The following RALGAPA1 variants were observed in gnomAD, a reference collection of about 807,000 sequenced individuals.
The protein encoded by RALGAPA1 is Ral GTPase activating protein catalytic subunit alpha 1, also known as ral GTPase-activating protein subunit alpha-1.
Under a neutral mutation model 269.6 loss-of-function variants are expected in RALGAPA1, and 52 were observed. That is an observed-to-expected ratio of 0.19 (90% CI 0.15 to 0.24). The LOEUF is 0.24. Ranked by LOEUF, RALGAPA1 falls within the 10% of genes least tolerant of loss-of-function variation. RALGAPA1 has a pLI of 1.00. For synonymous variants in RALGAPA1, 817 were observed against 1,008.3 expected (o/e 0.81, Z 3.60); for missense variants, 1,917 against 3,013.9 (o/e 0.64, Z 8.52).
At chr14:35,628,470 CAAAACAAAATAAAACAAAAAACA>C (rs1355658299) in intron 33 of RALGAPA1, among the ~76,000 whole-genome samples, 2 of 152,096 alleles carry the variant, frequency 1.3e-5, no homozygotes, top group Non-Finnish European at 2.9e-5. Context: ...CCCACAACAA[CAAAACAAAATAAAACAAAAAACA>C]AAAACAAAAA....
In RALGAPA1 at chr14:35,671,469, G is replaced by C; in HGVS notation, c.5122C>G (p.Leu1708Val). Residue 1708 changes from leucine (L) to valine (V), a missense_variant, in exon 26 of 42, where the codon CTT becomes GTT. Around this residue, in one of 11 missense-constraint regions of RALGAPA1, gnomAD observed 346 missense variants for 566.1 expected, o/e 0.61. Transcript: ENST00000680220. The stretch of plus-strand genomic sequence containing the variant: ...AGCATTGTGGCACCAGGCAAACCAA[G>C]TGAAAAAAATTGAGGTGAGCAGTGT... ...IKHCSPQFFSLGLPGATMLIM... is the reference protein window; with the variant it reads ...IKHCSPQFFSVGLPGATMLIM... 6.2e-7 allele frequency: 1 copy of C among 1,604,372 alleles called. No individual in the cohort carries two copies. Among genetic ancestry groups the C allele is most frequent in the Non-Finnish European group, 8.5e-7 (1 of 1,171,824 alleles).
chr14:35,595,890 G>C (rs1200415373), intron 36 of RALGAPA1, 101 bp from the exon 37 acceptor site: 1 of 866,630 alleles, frequency 1.2e-6, no homozygotes, highest in East Asian at 2.7e-5. Flanking sequence ...TGGGAACAAA[G>C]TCTTTTGCAT....
intron 35 of RALGAPA1, among the ~76,000 whole-genome samples, chr14:35,616,306 G>A (rs1380718204): frequency 6.6e-6 from 1 of 152,136 alleles, no homozygotes; most frequent in African/African-American, 2.4e-5. Flanking sequence ...AACAGAAAAT[G>A]AACCAGTGAA....
rs144973200 is a variant in RALGAPA1, at chr14:35,748,452, G to A, written c.1251+133C>T. ...TGGCCTCAAACTCCTGGGCTCAAGC[G>A]ATTCTCCCACCTCAGCCTCCTGAAC... On this transcript the variant is annotated intron_variant, in intron 10 of 41. Transcript: ENST00000680220. The A allele has an allele frequency of 1.9e-4, 211 of 1,104,974 alleles. 2 individuals are homozygous for A. In the Middle Eastern group the frequency reaches 2.9e-3, roughly 15 times the overall value. The allele number at this position is 1,104,974 out of a possible 1,614,324, so 68.4% of individuals were successfully genotyped here.
intron 1 of RALGAPA1, among the ~76,000 whole-genome samples, chr14:35,781,273 A>G (rs1274231671): frequency 6.6e-6 from 1 of 152,190 alleles, no homozygotes. Context: ...TGAACAAATT[A>G]CTAGAAAGTC....
chr14:35,792,618 A>T (rs2076254574), intron 1 of RALGAPA1, among the ~76,000 whole-genome samples: 1 of 151,860 alleles, frequency 6.6e-6, no homozygotes, highest in African/African-American at 2.4e-5. Context: ...CCCCATCTCT[A>T]TTAAAAATAC....
intron 1 of RALGAPA1, among the ~76,000 whole-genome samples, chr14:35,789,752 G>C (rs2141754330): frequency 6.6e-6 from 1 of 152,296 alleles, no homozygotes; most frequent in African/African-American, 2.4e-5. Flanking sequence ...GAAGAAAAGA[G>C]ATCTGGAGGA....
intron 41 of RALGAPA1, among the ~76,000 whole-genome samples, chr14:35,544,082 G>C (rs1489696764): frequency 6.6e-6 from 1 of 152,084 alleles, no homozygotes; most frequent in Non-Finnish European, 1.5e-5. Context: ...TCCTTACAAA[G>C]GAAAAAATTG....
At chr14:35,682,305 G>GTT (rs943991657) in intron 21 of RALGAPA1, among the ~76,000 whole-genome samples, 5 of 144,038 alleles carry the variant, frequency 3.5e-5, no homozygotes, top group Non-Finnish European at 7.7e-5. Flanking sequence ...TCAGTGTGTG[G>GTT]TTTTTTTTTT....
At position 35,605,564 on chromosome 14, in the gene RALGAPA1, T is replaced by A. The variant is rs115946885; in HGVS notation, c.7053+22A>T. 437 of 1,562,952 alleles carry A rather than the reference T, an allele frequency of 2.8e-4. 2 individuals carry two copies. In the African/African-American group the frequency reaches 5.3e-3, roughly 19 times the overall value. The stretch of plus-strand genomic sequence containing the variant: ...GCTTATGCTTCCAAATATAAATATT[T>A]CGTATAATTTAAAAATAATACCTCC... On this transcript the variant is annotated intron_variant, in intron 36 of 41. Transcript: ENST00000680220.
At chr14:35,670,006 AG>A (rs988480071) in intron 26 of RALGAPA1, among the ~76,000 whole-genome samples, 5 of 152,218 alleles carry the variant, frequency 3.3e-5, no homozygotes, top group African/African-American at 1.2e-4. Flanking sequence ...TACTGTTCTC[AG>A]GGAACTGGAA....
intron 12 of RALGAPA1, among the ~76,000 whole-genome samples, chr14:35,730,824 A>G (rs1181073120): frequency 6.6e-6 from 1 of 152,164 alleles, no homozygotes; most frequent in Non-Finnish European, 1.5e-5. Flanking sequence ...GACAAAGGAC[A>G]TATGCTCTTG....
intron 31 of RALGAPA1, among the ~76,000 whole-genome samples, chr14:35,636,408 T>C (rs1244097874): frequency 6.6e-6 from 1 of 152,104 alleles, no homozygotes; most frequent in Non-Finnish European, 1.5e-5. Flanking sequence ...TCCCAACATA[T>C]CTTCCAAAAA....
chr14:35,561,340 G>A (rs1255700866), intron 39 of RALGAPA1, among the ~76,000 whole-genome samples: 1 of 148,678 alleles, frequency 6.7e-6, no homozygotes. Flanking sequence ...AAATATACTA[G>A]AGTCACTGTA....
intron 14 of RALGAPA1, chr14:35,723,474 C>T: frequency 5.1e-6 from 2 of 392,158 alleles, no homozygotes; most frequent in South Asian, 6.4e-5. Flanking sequence ...ACTCCCAACA[C>T]CCAGCAATCT....
chr14:35,680,508 C>A (rs2065335082), intron 21 of RALGAPA1, among the ~76,000 whole-genome samples: 1 of 152,288 alleles, frequency 6.6e-6, no homozygotes, highest in East Asian at 1.9e-4. Flanking sequence ...CCACACCAAG[C>A]CAAGAACTAA....
intron 1 of RALGAPA1, among the ~76,000 whole-genome samples, chr14:35,793,671 T>G (rs775880837): frequency 5.3e-5 from 8 of 152,198 alleles, no homozygotes; most frequent in Non-Finnish European, 1.2e-4. Context: ...AAAGGGATGC[T>G]TTCTTTTCTA....
intron 41 of RALGAPA1, among the ~76,000 whole-genome samples, chr14:35,541,483 T>C (rs1423735630): frequency 6.6e-6 from 1 of 152,194 alleles, no homozygotes; most frequent in Admixed American, 6.5e-5. Flanking sequence ...TATTTTCTAA[T>C]TGAAATAAGA....
intron 27 of RALGAPA1, among the ~76,000 whole-genome samples, chr14:35,664,210 C>A (rs531386806): frequency 6.6e-6 from 1 of 152,078 alleles, no homozygotes; most frequent in Non-Finnish European, 1.5e-5. Context: ...GATCTCCATC[C>A]CAACTCCATA....
Sources: allele counts gnomAD v4.1 joint callset (sites outside exome capture counted in the v4.1 genomes callset), GRCh38; gene constraint gnomAD v4.1.1; regional missense constraint gnomAD v4.1.1; transcripts MANE v1.5; gene names NCBI Gene and HGNC (gene_info 2026-07-23, HGNC 2026-07-21).